The following COLQ variants were observed in gnomAD, a reference collection of about 807,000 sequenced individuals.
The protein encoded by COLQ is acetylcholinesterase collagenic tail peptide.
COLQ carries 48 observed loss-of-function variants against 69.0 expected under a neutral mutation model. The ratio of observed to expected loss-of-function variants is 0.70; its 90% CI spans 0.55 to 0.88. COLQ has a LOEUF of 0.88. Among genes scored for constraint, COLQ ranks in the 40% least tolerant of loss-of-function variants. COLQ has a pLI of 0.00. For synonymous variants in COLQ, 217 were observed against 211.2 expected (o/e 1.03, Z -0.24); for missense variants, 618 against 594.6 (o/e 1.04, Z -0.41).
At chr3:15,455,805 T>A (rs902989430) in intron 15 of COLQ, 94 bp downstream of exon 15, 24 of 1,552,770 alleles carry the variant, frequency 1.5e-5, no homozygotes, top group Admixed American at 6.8e-5. Context: ...TCTAGAAAGG[T>A]CCCAAAGCAC....
chr3:15,498,249 C>T (rs865995237), intron 1 of COLQ, among the ~76,000 whole-genome samples: 2 of 152,176 alleles, frequency 1.3e-5, no homozygotes, highest in African/African-American at 4.8e-5. Flanking sequence ...AGTGCACACA[C>T]CCGTTAGCAT....
At chr3:15,477,317 C>T in intron 5 of COLQ, 120 bp from the exon 6 acceptor site, 1 of 855,304 alleles carries the variant, frequency 1.2e-6, no homozygotes. Flanking sequence ...CTACTATGAC[C>T]CTCATCCCCA....
intron 1 of COLQ, among the ~76,000 whole-genome samples, chr3:15,495,310 G>A (rs763380104): frequency 3.9e-5 from 6 of 152,194 alleles, no homozygotes; most frequent in African/African-American, 1.2e-4. Context: ...TAGGGTTGGG[G>A]ATTTTGCTAA....
chr3:15,477,737 T>G (rs2062405024), intron 5 of COLQ, among the ~76,000 whole-genome samples: 2 of 152,128 alleles, frequency 1.3e-5, no homozygotes, highest in Non-Finnish European at 2.9e-5. Context: ...ATAGTCCAGC[T>G]CCCTTACCTT....
At chr3:15,514,309 C>T (rs868052246) in intron 1 of COLQ, among the ~76,000 whole-genome samples, 6 of 151,660 alleles carry the variant, frequency 4.0e-5, no homozygotes, top group African/African-American at 7.3e-5. Context: ...CATGGTCCAC[C>T]GACCAGCAGC....
intron 5 of COLQ, 133 bp from the exon 6 acceptor site, chr3:15,477,330 C>A (rs1346935745): frequency 9.2e-6 from 7 of 761,636 alleles, no homozygotes; most frequent in South Asian, 1.6e-5. Context: ...CATCCCCACT[C>A]TCCGAAGACT....
chr3:15,477,869 C>T (rs2062407892), intron 5 of COLQ, among the ~76,000 whole-genome samples: 1 of 152,138 alleles, frequency 6.6e-6, no homozygotes. Context: ...GAGAGTGGTC[C>T]CATAATAATG....
chr3:15,481,486 C>G (rs1559521892), intron 3 of COLQ, among the ~76,000 whole-genome samples: 1 of 152,182 alleles, frequency 6.6e-6, no homozygotes, highest in Admixed American at 6.5e-5. Flanking sequence ...TTCCCCATTT[C>G]TTGCTTTTGT....
chr3:15,500,624 G>T lies in COLQ; in HGVS notation c.107-10987C>A, dbSNP rs1007497972. 4.6e-5 allele frequency among the ~76,000 whole-genome samples: 7 copies of T among 152,192 alleles called. No individual in the cohort carries two copies. In the East Asian group the frequency reaches 1.2e-3, roughly 25 times the overall value. Reference sequence around the variant, plus strand: ...TCTCTATTTGAACCTAATGGTTCAGGTTCACGAATATCTTCTGCCTCTTCT... The same window carrying T: ...TCTCTATTTGAACCTAATGGTTCAGTTTCACGAATATCTTCTGCCTCTTCT... On this transcript the variant is annotated intron_variant, in intron 1 of 16. Coordinates refer to ENST00000383788, the MANE Select transcript of COLQ (RefSeq NM_005677.4).
At position 15,521,530 on chromosome 3, in the gene COLQ, TG is replaced by T; in HGVS notation, c.95del (p.Pro32GlnfsTer23). On this transcript the variant is annotated frameshift_variant, in exon 1 of 17. Coordinates refer to ENST00000383788, the MANE Select transcript of COLQ (RefSeq NM_005677.4). LOFTEE classifies it high-confidence loss of function. The part of the protein sequence containing the change: ...SQPTFINSVL[P>X]ISAALPSLDQ... The stretch of plus-strand genomic sequence containing the variant: ...GTGGCCATCATTTACCTGCTGAGAT[TG>T]GAAGAACGCTGTTGATGAAAGTCGG... The T allele has an allele frequency of 3.7e-6, 6 of 1,614,144 alleles. No individual in the cohort carries two copies. The highest frequency in any genetic ancestry group is 5.1e-6 in the Non-Finnish European group (6 of 1,180,036).
At chr3:15,509,103 C>T (rs73031573) in intron 1 of COLQ, among the ~76,000 whole-genome samples, 14,089 of 152,222 alleles carry the variant, frequency 0.093, 890 homozygotes, top group East Asian at 0.33. Context: ...TGCAAAGCGG[C>T]AGCAGATGGG....
chr3:15,465,034 C>T (rs923224500), intron 12 of COLQ, among the ~76,000 whole-genome samples: 2 of 151,726 alleles, frequency 1.3e-5, no homozygotes, highest in African/African-American at 4.8e-5. Flanking sequence ...ATTAGCCAGG[C>T]GTGGTGGAAG....
At chr3:15,503,879 G>A (rs1209528031) in intron 1 of COLQ, among the ~76,000 whole-genome samples, 1 of 151,958 alleles carries the variant, frequency 6.6e-6, no homozygotes, top group Non-Finnish European at 1.5e-5. Flanking sequence ...CAGAAGAAAT[G>A]GCACCCAAAA....
chr3:15,495,615 T>C (rs2062735343), intron 1 of COLQ, among the ~76,000 whole-genome samples: 1 of 152,220 alleles, frequency 6.6e-6, no homozygotes, highest in Non-Finnish European at 1.5e-5. Context: ...AGGGTGACCC[T>C]GTCTGAAGTT....
At chr3:15,460,881 G>A (rs1180172587) in intron 12 of COLQ, among the ~76,000 whole-genome samples, 2 of 152,056 alleles carry the variant, frequency 1.3e-5, no homozygotes, top group African/African-American at 4.8e-5. Flanking sequence ...ATATGAGGGT[G>A]GCATTGGAAC....
At chr3:15,499,742 T>C (rs926593518) in intron 1 of COLQ, among the ~76,000 whole-genome samples, 5 of 152,346 alleles carry the variant, frequency 3.3e-5, no homozygotes, top group African/African-American at 1.2e-4. Context: ...TTGGAATGTG[T>C]CGTTCAGTGT....
chr3:15,481,621 G>A (rs2062485275), intron 3 of COLQ, among the ~76,000 whole-genome samples: 1 of 152,162 alleles, frequency 6.6e-6, no homozygotes, highest in Non-Finnish European at 1.5e-5. Context: ...CTGTAGCCTT[G>A]TAGTATAGTT....
At position 15,473,548 on chromosome 3, in the gene COLQ, G is replaced by A. The variant is rs139218363; in HGVS notation, c.636+452C>T. On this transcript the variant is annotated intron_variant, in intron 10 of 16. Coordinates refer to ENST00000383788, the MANE Select transcript of COLQ (RefSeq NM_005677.4). This position sits in a 1 kb window ranked among gnomAD's most constrained non-coding sequence, Gnocchi z 4.0. ...CTTTTGTGTCCTTCTGGCAGTATGT[G>A]CACCGCCCTTGAAGAAGGACTGCAA... Among the ~76,000 whole-genome samples the A allele has an allele frequency of 4.6e-5, 7 of 152,216 alleles. No individual in the cohort carries two copies. Among genetic ancestry groups the A allele is most frequent in the Non-Finnish European group, 7.4e-5 (5 of 68,006 alleles).
chr3:15,470,427 G>A (rs992916807), intron 11 of COLQ, 109 bp downstream of exon 11: 1 of 983,960 alleles, frequency 1.0e-6, no homozygotes, highest in Non-Finnish European at 1.6e-6. Flanking sequence ...GGATGCTGGA[G>A]TCAAGGTCTA....
Sources: gnomAD v4.1 joint callset for allele counts (sites outside exome capture counted in the v4.1 genomes callset) on GRCh38, gnomAD v4.1.1 for gene constraint, Gnocchi (gnomAD v3.1) non-coding constraint, MANE v1.5 for transcripts, NCBI Gene and HGNC (gene_info 2026-07-23, HGNC 2026-07-21) for gene names.